The following LPAR6 variants were observed in gnomAD, a reference collection of about 807,000 sequenced individuals.
LPAR6 encodes lysophosphatidic acid receptor 6.
Under a neutral mutation model 22.0 loss-of-function variants are expected in LPAR6, and 17 were observed. The ratio of observed to expected loss-of-function variants is 0.77; its 90% CI spans 0.53 to 1.16. LPAR6 has a LOEUF of 1.16. Among genes scored for constraint, LPAR6 ranks in the 50% most tolerant of loss-of-function variants. The pLI is 0.00. For missense variants in LPAR6, 384 were observed against 406.9 expected, an observed-to-expected ratio of 0.94 and a Z score of 0.48; for synonymous variants, 136 against 139.8, an observed-to-expected ratio of 0.97 and a Z score of 0.19.
intron 1 of LPAR6, among the ~76,000 whole-genome samples, chr13:48,438,903 T>C (rs1287688748): frequency 6.6e-6 from 1 of 152,066 alleles, no homozygotes; most frequent in Non-Finnish European, 1.5e-5. Context: ...TCACAACAAC[T>C]CTATGTAGTG....
chr13:48,400,407 A>T (rs17071673), intron 1 of LPAR6, among the ~76,000 whole-genome samples: 8,353 of 152,166 alleles, frequency 0.055, 766 homozygotes, highest in African/African-American at 0.19. Flanking sequence ...GGTTCCAGAG[A>T]CTATACTTTT....
chr13:48,414,531 G>C (rs1566214547), upstream of LPAR6, among the ~76,000 whole-genome samples: 1 of 151,804 alleles, frequency 6.6e-6, no homozygotes, highest in Non-Finnish European at 1.5e-5. Context: ...ATCTAGTTAT[G>C]CCTTACTGTT....
At chr13:48,435,420 T>G (rs1949173471) in intron 1 of LPAR6, among the ~76,000 whole-genome samples, 1 of 152,160 alleles carries the variant, frequency 6.6e-6, no homozygotes, top group Admixed American at 6.6e-5. Flanking sequence ...GGATTGTTTG[T>G]TTTTTACCAT....
At chr13:48,417,456 C>T (rs1308983583), upstream of LPAR6, 1 of 152,182 alleles carries the variant, frequency 6.6e-6, no homozygotes, top group African/African-American at 2.4e-5. Flanking sequence ...GTAGATAAAT[C>T]CATGAAGATG....
intron 1 of LPAR6, among the ~76,000 whole-genome samples, chr13:48,404,597 G>A (rs1294061155): frequency 2.0e-5 from 3 of 151,914 alleles, no homozygotes; most frequent in Admixed American, 6.5e-5. Flanking sequence ...TGTGATCTCC[G>A]CTCACTGCAA....
intron 1 of LPAR6, among the ~76,000 whole-genome samples, chr13:48,425,805 A>G (rs992546745): frequency 5.3e-5 from 8 of 152,208 alleles, no homozygotes; most frequent in African/African-American, 1.9e-4. Flanking sequence ...TTAGCTTTCT[A>G]TCTAATTCAG....
intron 1 of LPAR6, among the ~76,000 whole-genome samples, chr13:48,402,369 T>C (rs1329170678): frequency 5.1e-5 from 4 of 78,794 alleles, no homozygotes; most frequent in Admixed American, 1.6e-4. Context: ...AGAAATCCCT[T>C]GTAGAAAACC....
chr13:48,430,505 C>T (rs1949118125), upstream of LPAR6, among the ~76,000 whole-genome samples: 1 of 151,958 alleles, frequency 6.6e-6, no homozygotes, highest in African/African-American at 2.4e-5. Flanking sequence ...CTTTGGGAGG[C>T]GAGACAGGTG....
chr13:48,407,365 G>T (rs968614405), downstream of LPAR6, among the ~76,000 whole-genome samples: 5 of 152,170 alleles, frequency 3.3e-5, no homozygotes, highest in Admixed American at 2.0e-4. Context: ...AGGAAGACAG[G>T]AAGGTAGGAG....
chr13:48,391,513 G>C (rs1251265352), intron 1 of LPAR6: 1 of 152,024 alleles, frequency 6.6e-6, no homozygotes, highest in Non-Finnish European at 1.5e-5. Flanking sequence ...CCAACACTTA[G>C]TGGGGCTGAG....
At chr13:48,431,555 G>A (rs556987364), upstream of LPAR6, among the ~76,000 whole-genome samples, 12 of 152,276 alleles carry the variant, frequency 7.9e-5, no homozygotes, top group South Asian at 2.5e-3. Context: ...CAAAATTTCT[G>A]TGGTTACTTT....
At chr13:48,438,192 T>G (rs1949202741) in intron 1 of LPAR6, among the ~76,000 whole-genome samples, 1 of 152,196 alleles carries the variant, frequency 6.6e-6, no homozygotes, top group African/African-American at 2.4e-5. Flanking sequence ...AAAGAAAAAT[T>G]TCTGTCTCAA....
At chr13:48,399,809 A>T (rs900138840) in intron 1 of LPAR6, among the ~76,000 whole-genome samples, 1 of 151,988 alleles carries the variant, frequency 6.6e-6, no homozygotes, top group Non-Finnish European at 1.5e-5. Flanking sequence ...CCTGAGTCCT[A>T]TGTCTGATCC....
chr13:48,389,685 G>A (rs949446868), exon 2 of LPAR6: 1 of 152,080 alleles, frequency 6.6e-6, no homozygotes, highest in Non-Finnish European at 1.5e-5. Context: ...GGAGCTATAG[G>A]GTCCACTTCC....
chr13:48,424,174 T>C (rs1949047482), intron 1 of LPAR6: 1 of 152,648 alleles, frequency 6.6e-6, no homozygotes, highest in African/African-American at 2.4e-5. Context: ...TGAACATTTG[T>C]AATTTATGTT....
chr13:48,423,487 A>G (rs918986484), intron 1 of LPAR6, among the ~76,000 whole-genome samples: 1 of 152,210 alleles, frequency 6.6e-6, no homozygotes, highest in Non-Finnish European at 1.5e-5. Flanking sequence ...AATATTCTGT[A>G]AAAGGCTTCC....
At chr13:48,393,639 C>T (rs1453314175) in intron 1 of LPAR6, among the ~76,000 whole-genome samples, 13 of 152,138 alleles carry the variant, frequency 8.5e-5, no homozygotes, top group Admixed American at 8.5e-4. Flanking sequence ...TGTACACTTA[C>T]AGAATATTTA....
intron 1 of LPAR6, among the ~76,000 whole-genome samples, chr13:48,425,612 G>A (rs975337103): frequency 2.6e-5 from 4 of 152,124 alleles, no homozygotes; most frequent in African/African-American, 9.7e-5. Flanking sequence ...CACCTACTCA[G>A]GAGGCAGAGG....
At chr13:48,404,573 C>G (rs552050204) in intron 1 of LPAR6, among the ~76,000 whole-genome samples, 7 of 151,958 alleles carry the variant, frequency 4.6e-5, no homozygotes, top group Non-Finnish European at 8.8e-5. Context: ...GTCGCCCAGG[C>G]TGGAGTGCAA....
Sources: allele counts gnomAD v4.1 joint callset (sites outside exome capture counted in the v4.1 genomes callset), GRCh38; gene constraint gnomAD v4.1.1; transcripts MANE v1.5; gene names NCBI Gene and HGNC (gene_info 2026-07-23, HGNC 2026-07-21).